The following NEDD4L variants were observed in gnomAD, a reference collection of about 807,000 sequenced individuals.
The protein encoded by NEDD4L is E3 ubiquitin-protein ligase NEDD4-like.
In NEDD4L, 54 loss-of-function variants were observed where a neutral mutation model predicts 148.9. The observed-to-expected ratio is 0.36, with a 90% confidence interval of 0.29 to 0.45. The LOEUF (loss-of-function observed/expected upper bound fraction) is 0.45. Ranked by LOEUF, NEDD4L falls within the 20% of genes least tolerant of loss-of-function variation. NEDD4L has a pLI of 1.00. For missense variants in NEDD4L, 856 were observed against 1,233.8 expected (o/e 0.69, Z 4.59); for synonymous variants, 433 against 440.7 (o/e 0.98, Z 0.22).
chr18:58,207,330 T>C (rs1383900875), intron 2 of NEDD4L, among the ~76,000 whole-genome samples: 2 of 151,590 alleles, frequency 1.3e-5, no homozygotes, highest in African/African-American at 4.8e-5. Context: ...TTTTTTTTTT[T>C]CTGGGAAATT....
At chr18:58,363,205 A>G (rs1447111427) in intron 19 of NEDD4L, among the ~76,000 whole-genome samples, 2 of 152,248 alleles carry the variant, frequency 1.3e-5, no homozygotes, top group East Asian at 1.9e-4. Context: ...TCTTAAAACT[A>G]TAAAAGAGGG....
At chr18:58,262,306 C>T (rs1295904889) in intron 5 of NEDD4L, among the ~76,000 whole-genome samples, 1 of 152,168 alleles carries the variant, frequency 6.6e-6, no homozygotes, top group Non-Finnish European at 1.5e-5. Flanking sequence ...AGGCCCTGGA[C>T]TTCTGTCTCT....
chr18:58,234,626 T>G (rs1035470110), intron 2 of NEDD4L, among the ~76,000 whole-genome samples: 2 of 152,190 alleles, frequency 1.3e-5, no homozygotes, highest in Non-Finnish European at 2.9e-5. Context: ...TGAGCCACTG[T>G]GCCTGGTGAC....
chr18:58,070,676 G>C lies in NEDD4L; in HGVS notation c.48+25968G>C, dbSNP rs750369248. ...ATTATAAACCATTCAGCAGAGTGTTGAAGGCATGCCCCAATACCCACACCC... is the reference window on the plus strand; with the variant it reads ...ATTATAAACCATTCAGCAGAGTGTTCAAGGCATGCCCCAATACCCACACCC... On this transcript the variant is annotated intron_variant, in intron 1 of 30. Coordinates refer to ENST00000400345, the MANE Select transcript of NEDD4L (RefSeq NM_001144967.3). Among the ~76,000 whole-genome samples the C allele has an allele frequency of 1.3e-4, 20 of 151,998 alleles. 1 individual carries two copies. Among genetic ancestry groups the C allele is most frequent in the Non-Finnish European group, 1.5e-5 (1 of 67,996 alleles).
chr18:58,319,449 C>T (rs917082527), intron 6 of NEDD4L, among the ~76,000 whole-genome samples: 11 of 152,206 alleles, frequency 7.2e-5, no homozygotes, highest in Non-Finnish European at 1.2e-4. Flanking sequence ...AGTGAATGCA[C>T]CTAGGCTGAA....
chr18:58,156,862 TTCTA>T (rs1221358766), intron 1 of NEDD4L, among the ~76,000 whole-genome samples: 1 of 152,138 alleles, frequency 6.6e-6, no homozygotes, highest in Non-Finnish European at 1.5e-5. Context: ...ATCTGGTCTT[TTCTA>T]TCTCTCTATT....
chr18:58,153,670 G>T (rs1486742866), intron 1 of NEDD4L, among the ~76,000 whole-genome samples: 2 of 148,368 alleles, frequency 1.3e-5, no homozygotes, highest in Non-Finnish European at 3.0e-5. Flanking sequence ...TTTTTGAGAT[G>T]GAGTCTCGCT....
chr18:58,185,579 A>G (rs1286715499), intron 2 of NEDD4L, among the ~76,000 whole-genome samples: 1 of 152,252 alleles, frequency 6.6e-6, no homozygotes, highest in African/African-American at 2.4e-5. Flanking sequence ...ATGTATAAAA[A>G]TGACAAATGC....
At chr18:58,243,443 G>A (rs2046879421) in intron 2 of NEDD4L, among the ~76,000 whole-genome samples, 1 of 152,214 alleles carries the variant, frequency 6.6e-6, no homozygotes, top group South Asian at 2.1e-4. Flanking sequence ...TGTGGTTCCT[G>A]GATCAGGAGC....
At chr18:58,149,273 G>A (rs2034422328) in intron 1 of NEDD4L, 1 of 656,734 alleles carries the variant, frequency 1.5e-6, no homozygotes, top group South Asian at 3.6e-5. Flanking sequence ...CTGGACCTTG[G>A]TGTCCAGGTG....
At chr18:58,089,022 T>A (rs1038669286) in intron 1 of NEDD4L, among the ~76,000 whole-genome samples, 16 of 152,076 alleles carry the variant, frequency 1.1e-4, no homozygotes, top group Non-Finnish European at 2.1e-4. Context: ...AACCTGGTCG[T>A]AAGAAAATAC....
chr18:58,320,068 G>A (rs984653204), intron 6 of NEDD4L, among the ~76,000 whole-genome samples: 1 of 152,148 alleles, frequency 6.6e-6, no homozygotes, highest in African/African-American at 2.4e-5. Context: ...TTTGACCTGT[G>A]TGATATCAGT....
chr18:58,168,499 A>G (rs1381322840), intron 2 of NEDD4L, among the ~76,000 whole-genome samples: 3 of 152,212 alleles, frequency 2.0e-5, no homozygotes, highest in East Asian at 1.9e-4. Flanking sequence ...AAGAACCGCA[A>G]AGTGACTTCT....
chr18:58,274,000 C>T (rs62094550), intron 5 of NEDD4L, among the ~76,000 whole-genome samples: 27,056 of 152,022 alleles, frequency 0.18, 2,503 homozygotes, highest in Non-Finnish European at 0.18. Flanking sequence ...GAAGTGATGC[C>T]GGGCCCTTTC....
chr18:58,351,206 T>C, intron 18 of NEDD4L, 161 bp downstream of exon 18: 1 of 983,686 alleles, frequency 1.0e-6, no homozygotes. Flanking sequence ...TACGGTACTG[T>C]GCATTCACCC....
chr18:58,195,526 G>T (rs774734310), intron 2 of NEDD4L: 1 of 1,342,268 alleles, frequency 7.5e-7, no homozygotes, highest in Non-Finnish European at 9.8e-7. Flanking sequence ...CTACCTGGGC[G>T]GGAGCGGCTG....
intron 27 of NEDD4L, 197 bp from the exon 28 acceptor site, chr18:58,388,888 C>G (rs1353129979): frequency 1.7e-6 from 1 of 601,106 alleles, no homozygotes; most frequent in Non-Finnish European, 3.0e-6. Flanking sequence ...TTGAGCTGCC[C>G]TCGTGACTGC....
At chr18:58,155,233 C>A (rs1175311873) in intron 1 of NEDD4L, among the ~76,000 whole-genome samples, 1 of 149,048 alleles carries the variant, frequency 6.7e-6, no homozygotes, top group African/African-American at 2.5e-5. Context: ...TGAAGCAGTA[C>A]CCACCCACAT....
intron 18 of NEDD4L, among the ~76,000 whole-genome samples, chr18:58,353,967 T>C (rs1024567040): frequency 6.6e-6 from 1 of 152,248 alleles, no homozygotes; most frequent in Non-Finnish European, 1.5e-5. Flanking sequence ...TAATTAATTA[T>C]TTCTGCTTTG....
Sources: allele counts gnomAD v4.1 joint callset (sites outside exome capture counted in the v4.1 genomes callset), GRCh38; gene constraint gnomAD v4.1.1; transcripts MANE v1.5; gene names NCBI Gene and HGNC (gene_info 2026-07-23, HGNC 2026-07-21).